The following MPDZ variants were observed in gnomAD, a reference collection of about 807,000 sequenced individuals.
The protein encoded by MPDZ is multiple PDZ domain protein.
MPDZ carries 234 observed loss-of-function variants against 239.1 expected under a neutral mutation model. That is an observed-to-expected ratio of 0.98 (90% CI 0.88 to 1.09). MPDZ has a LOEUF of 1.09. MPDZ is among the 50% of genes least tolerant of loss of function. MPDZ has a pLI of 0.00. For synonymous variants in MPDZ, 1,048 were observed against 881.3 expected, an observed-to-expected ratio of 1.19 and a Z score of -3.35; for missense variants, 3,175 against 2,510.0, an observed-to-expected ratio of 1.26 and a Z score of -5.66.
intron 24 of MPDZ, among the ~76,000 whole-genome samples, chr9:13,155,968 G>T (rs2133291495): frequency 6.6e-6 from 1 of 152,286 alleles, no homozygotes. Flanking sequence ...AGGATTGCAT[G>T]AAGGTTAAAA....
At chr9:13,108,808 T>G in intron 46 of MPDZ, 128 bp downstream of exon 46, 1 of 903,730 alleles carries the variant, frequency 1.1e-6, no homozygotes, top group Non-Finnish European at 1.5e-6. Context: ...CTGTAGGGAG[T>G]TTTGAAAAGA....
intron 10 of MPDZ, among the ~76,000 whole-genome samples, chr9:13,213,725 C>T (rs1957931954): frequency 6.6e-6 from 1 of 152,028 alleles, no homozygotes; most frequent in African/African-American, 2.4e-5. Flanking sequence ...AGAAAAGATT[C>T]TTCCACCTTT....
In MPDZ at chr9:13,219,680, A is replaced by C. The variant is rs762865173; in HGVS notation, c.965T>G (p.Leu322Arg). The C allele has an allele frequency of 1.9e-6, 3 of 1,612,678 alleles. No homozygotes were observed. The African/African-American group carries it at 4.0e-5, about 22-fold the overall frequency. ...CTTAACTCTATTTCCACATTGCCTA[A>C]GGACTTGTGCTACTTGCTCACTGCT... Reference protein sequence around the residue: ...GMSSEQVAQVLRQCGNRVKLM... With the variant: ...GMSSEQVAQVRRQCGNRVKLM... Residue 322 changes from leucine to arginine, a missense_variant, in exon 8 of 47, where the codon CTT becomes CGT. Leu to Arg is a moderately radical substitution (Grantham distance 102). Coordinates refer to ENST00000319217, the MANE Select transcript of MPDZ (RefSeq NM_001378778.1).
rs745606784 is a variant in MPDZ at position 13,119,514 on chromosome 9, G to A, written c.5367C>T (p.Ala1789=). The A allele has an allele frequency of 2.0e-5, 32 of 1,610,020 alleles. No individual in the cohort carries two copies. The East Asian group carries it at 2.0e-4, about 10-fold the overall frequency. The change falls in exon 39 of 47, where the codon GCC becomes GCT. Residue 1789 remains alanine (A), a synonymous_variant. Transcript: ENST00000319217. The part of the protein sequence containing the change: ...DVRNATQEAV[A]ALLKCSLGTV... Reference sequence around the variant, plus strand: ...TTGCATTTTTTACCTTTAGCAAAGCGGCAACCGCTTCTTGGGTGGCATTAC... The same window carrying A: ...TTGCATTTTTTACCTTTAGCAAAGCAGCAACCGCTTCTTGGGTGGCATTAC...
At chr9:13,197,820 G>A (rs909136544) in intron 12 of MPDZ, among the ~76,000 whole-genome samples, 5 of 151,736 alleles carry the variant, frequency 3.3e-5, no homozygotes, top group Admixed American at 1.3e-4. Context: ...CTTTTTAAGC[G>A]CCCACTTATA....
At position 13,183,587 on chromosome 9, in the gene MPDZ, T is replaced by A. The variant is rs1252684619; in HGVS notation, c.2482-2A>T. ...TAAGTCAGCATCATTTGTGCCCACC[T>A]AGAAACAAAACAATAATATCAGTTG... On this transcript the variant is annotated splice_acceptor_variant, in intron 18 of 46. Transcript: ENST00000319217. LOFTEE classifies it high-confidence loss of function. 1 of 1,611,122 alleles carries A rather than the reference T, an allele frequency of 6.2e-7. No homozygotes were observed. The highest frequency in any genetic ancestry group is 1.3e-5 in the African/African-American group (1 of 74,722).
intron 1 of MPDZ, among the ~76,000 whole-genome samples, chr9:13,252,867 G>A (rs927735785): frequency 2.6e-5 from 4 of 152,116 alleles, no homozygotes; most frequent in African/African-American, 4.8e-5. Flanking sequence ...ATGGACTAGA[G>A]AGTCTGATAA....
intron 19 of MPDZ, among the ~76,000 whole-genome samples, chr9:13,178,723 G>A (rs1474406721): frequency 6.6e-6 from 1 of 152,176 alleles, no homozygotes; most frequent in African/African-American, 2.4e-5. Context: ...CATTGGCACA[G>A]TCTGAATATA....
chr9:13,119,419 C>G, intron 39 of MPDZ, 83 bp downstream of exon 39: 1 of 1,462,002 alleles, frequency 6.8e-7, no homozygotes, highest in Non-Finnish European at 9.3e-7. Context: ...GAAGTCATTA[C>G]TAATTTGACT....
chr9:13,179,949 A>G (rs1341300433), intron 19 of MPDZ, among the ~76,000 whole-genome samples: 1 of 152,088 alleles, frequency 6.6e-6, no homozygotes, highest in Non-Finnish European at 1.5e-5. Flanking sequence ...ATAGATTGCA[A>G]CCAAAGCTGC....
At chr9:13,173,178 G>A (rs1027590028) in intron 21 of MPDZ, among the ~76,000 whole-genome samples, 7 of 152,192 alleles carry the variant, frequency 4.6e-5, no homozygotes, top group African/African-American at 1.2e-4. Flanking sequence ...CCCAAAAAAC[G>A]TTCTGGAGAT....
chr9:13,125,209 G>A lies in MPDZ; in HGVS notation c.4807+7C>T, dbSNP rs1239658950. 1 of 1,583,464 alleles carries A rather than the reference G, an allele frequency of 6.3e-7. No individual in the cohort carries two copies. The highest frequency in any genetic ancestry group is 1.2e-5 in the South Asian group (1 of 86,904). ...GTGCAGGACTCTCATGAGTCCAGAG[G>A]CCTTACTTCGGATGGACTCCGGTTC... On this transcript the variant is annotated splice_region_variant and intron_variant, in intron 35 of 46. Coordinates refer to ENST00000319217, the MANE Select transcript of MPDZ (RefSeq NM_001378778.1).
chr9:13,160,937 T>C (rs1035531446), intron 23 of MPDZ, among the ~76,000 whole-genome samples: 5 of 145,086 alleles, frequency 3.4e-5, no homozygotes, highest in African/African-American at 1.3e-4. Context: ...TGATTTAAAC[T>C]ATATGGGAGA....
At chr9:13,278,514 G>T (rs1222300896) in intron 1 of MPDZ, among the ~76,000 whole-genome samples, 1 of 152,086 alleles carries the variant, frequency 6.6e-6, no homozygotes, top group Non-Finnish European at 1.5e-5. Flanking sequence ...TGCAAAGAAC[G>T]CAAACAAAAA....
intron 29 of MPDZ, among the ~76,000 whole-genome samples, chr9:13,137,130 G>T (rs1362946216): frequency 6.6e-6 from 1 of 152,024 alleles, no homozygotes; most frequent in Non-Finnish European, 1.5e-5. Context: ...TGCACAAAAC[G>T]AGGGCTCTGT....
chr9:13,236,255 A>G (rs1248553078), intron 3 of MPDZ, among the ~76,000 whole-genome samples: 5 of 21,382 alleles, frequency 2.3e-4, no homozygotes, highest in East Asian at 0.01. Context: ...GTGTGTATAT[A>G]TATATATATA....
intron 23 of MPDZ, among the ~76,000 whole-genome samples, chr9:13,162,368 T>C (rs1950589615): frequency 1.3e-5 from 2 of 151,994 alleles, no homozygotes; most frequent in African/African-American, 4.8e-5. Flanking sequence ...AAAAAAATCA[T>C]ACAATTTCTT....
chr9:13,207,778 GGTGCT>G (rs1413382438), intron 10 of MPDZ, among the ~76,000 whole-genome samples: 1 of 152,140 alleles, frequency 6.6e-6, no homozygotes, highest in East Asian at 1.9e-4. Flanking sequence ...ATCAAAACAT[GGTGCT>G]GTCCATACTA....
intron 31 of MPDZ, chr9:13,135,499 C>G (rs1946601947): frequency 6.6e-6 from 1 of 152,120 alleles, no homozygotes; most frequent in African/African-American, 2.4e-5. Flanking sequence ...CCCCTGCTAC[C>G]TCTGATTTTT....
Sources: allele counts gnomAD v4.1 joint callset (sites outside exome capture counted in the v4.1 genomes callset), GRCh38; gene constraint gnomAD v4.1.1; transcripts MANE v1.5; gene names NCBI Gene and HGNC (gene_info 2026-07-23, HGNC 2026-07-21).